The following SLC24A2 variants were observed in gnomAD, a reference collection of about 807,000 sequenced individuals.
SLC24A2 encodes solute carrier family 24 member 2.
SLC24A2 carries 36 observed loss-of-function variants against 62.0 expected under a neutral mutation model. That is an observed-to-expected ratio of 0.58 (90% CI 0.44 to 0.77). SLC24A2 has a LOEUF of 0.77. Ranked by LOEUF, SLC24A2 falls within the 30% of genes least tolerant of loss-of-function variation. The pLI is 0.00. For missense variants in SLC24A2, 846 were observed against 817.9 expected (o/e 1.03, Z -0.42); for synonymous variants, 358 against 294.0 (o/e 1.22, Z -2.23).
the SLC24A2 span, among the ~76,000 whole-genome samples, chr9:19,833,101 C>T: frequency 8.5e-5 from 13 of 152,128 alleles, no homozygotes; most frequent in African/African-American, 2.9e-4. Context: ...ATATTGGGAG[C>T]CAAGATGGCC....
the SLC24A2 span, among the ~76,000 whole-genome samples, chr9:20,038,628 C>CAAAAAAAAAAAAAA: frequency 3.1e-5 from 1 of 32,396 alleles, no homozygotes; most frequent in Non-Finnish European, 6.1e-5. Context: ...GTAAAAGAAA[C>CAAAAAAAAAAAAAA]AAACAAAAAA....
At chr9:20,063,093 A>G in the SLC24A2 span, among the ~76,000 whole-genome samples, 3 of 115,574 alleles carry the variant, frequency 2.6e-5, 1 homozygote, top group East Asian at 7.5e-4. Flanking sequence ...GCGATTCCTC[A>G]GGGATCTAGA....
chr9:19,949,614 T>G, the SLC24A2 span, among the ~76,000 whole-genome samples: 1 of 152,320 alleles, frequency 6.6e-6, no homozygotes, highest in East Asian at 1.9e-4. Flanking sequence ...CCAGCCTTCC[T>G]TGCAGCTAGG....
the SLC24A2 span, among the ~76,000 whole-genome samples, chr9:20,173,767 A>T: frequency 6.6e-6 from 1 of 152,100 alleles, no homozygotes; most frequent in African/African-American, 2.4e-5. Flanking sequence ...GAAAATAAAC[A>T]TACTGTCAAA....
the SLC24A2 span, among the ~76,000 whole-genome samples, chr9:19,827,177 G>GGTCATGTGA: frequency 2.6e-5 from 4 of 152,114 alleles, no homozygotes; most frequent in Admixed American, 6.6e-5. Context: ...GAGTCATGTG[G>GGTCATGTGA]GTCATGTGAG....
intron 5 of SLC24A2, among the ~76,000 whole-genome samples, chr9:19,592,475 G>GACCT (rs200135469): frequency 0.052 from 4,401 of 84,462 alleles, 127 homozygotes; most frequent in African/African-American, 0.11. Context: ...GATATCTACC[G>GACCT]ACCTACCTAC....
At chr9:20,176,473 T>TA in the SLC24A2 span, among the ~76,000 whole-genome samples, 1 of 152,018 alleles carries the variant, frequency 6.6e-6, no homozygotes, top group Non-Finnish European at 1.5e-5. Flanking sequence ...TGGAGAGTAA[T>TA]AAAAAACCTT....
At chr9:19,871,945 C>CT in the SLC24A2 span, among the ~76,000 whole-genome samples, 7 of 151,246 alleles carry the variant, frequency 4.6e-5, no homozygotes, top group East Asian at 1.4e-3. Flanking sequence ...ATTTTGAAGA[C>CT]TTTTTTTTTG....
At chr9:19,740,711 A>G (rs1009573822) in intron 2 of SLC24A2, among the ~76,000 whole-genome samples, 2 of 152,188 alleles carry the variant, frequency 1.3e-5, no homozygotes, top group East Asian at 3.9e-4. Flanking sequence ...ATATAACTCA[A>G]TGGGAAGCTG....
chr9:19,692,329 T>C (rs1820067742), intron 2 of SLC24A2, among the ~76,000 whole-genome samples: 1 of 152,174 alleles, frequency 6.6e-6, no homozygotes, highest in Admixed American at 6.5e-5. Flanking sequence ...CTACAGGTTT[T>C]TTTCCACTAG....
the SLC24A2 span, among the ~76,000 whole-genome samples, chr9:20,297,496 G>A: frequency 2.9e-4 from 44 of 152,208 alleles, no homozygotes; most frequent in African/African-American, 8.9e-4. Flanking sequence ...GGTTTGGCAC[G>A]TGGACTGTAA....
At chr9:20,240,477 T>C in the SLC24A2 span, among the ~76,000 whole-genome samples, 4 of 152,230 alleles carry the variant, frequency 2.6e-5, no homozygotes, top group Non-Finnish European at 5.9e-5. Context: ...CTGTGGGATT[T>C]GACTCAGGGT....
the SLC24A2 span, among the ~76,000 whole-genome samples, chr9:19,999,309 G>A: frequency 6.6e-6 from 1 of 152,206 alleles, no homozygotes; most frequent in Admixed American, 6.5e-5. Context: ...CACACTGAGT[G>A]TTCCCAGTTA....
intron 5 of SLC24A2, among the ~76,000 whole-genome samples, chr9:19,591,180 A>T (rs1048166227): frequency 6.6e-6 from 1 of 152,114 alleles, no homozygotes; most frequent in Non-Finnish European, 1.5e-5. Flanking sequence ...CCAAATTTAC[A>T]TCTACAGCTC....
chr9:20,077,435 T>TA, the SLC24A2 span, among the ~76,000 whole-genome samples: 8 of 152,066 alleles, frequency 5.3e-5, no homozygotes, highest in African/African-American at 1.2e-4. Flanking sequence ...ATTTCTTAAA[T>TA]AAAAAAAATG....
rs995224129 is a variant in SLC24A2 at position 19,523,827 on chromosome 9, T to A, written c.1570-2767A>T. Among the ~76,000 whole-genome samples the A allele has an allele frequency of 3.7e-4, 56 of 152,150 alleles. 1 individual carries two copies. Among genetic ancestry groups the A allele is most frequent in the African/African-American group, 1.3e-3 (52 of 41,426 alleles). The stretch of plus-strand genomic sequence containing the variant: ...CTCTCCAATTTATTAGACTGTCAGG[T>A]GTCTGGCAGCAGGAACAGAAGTGGG... On this transcript the variant is annotated intron_variant, in intron 9 of 10. Transcript: ENST00000341998.
chr9:19,912,589 C>T, the SLC24A2 span, among the ~76,000 whole-genome samples: 54 of 152,246 alleles, frequency 3.5e-4, no homozygotes, highest in Admixed American at 1.4e-3. Context: ...CACTTGGTCA[C>T]ACATTTCTTG....
chr9:19,543,689 C>T (rs1169017608), intron 8 of SLC24A2, among the ~76,000 whole-genome samples: 1 of 151,988 alleles, frequency 6.6e-6, no homozygotes, highest in Non-Finnish European at 1.5e-5. Flanking sequence ...CGTTTTTTAC[C>T]CAGTAGTCAT....
At chr9:20,124,721 G>T in the SLC24A2 span, among the ~76,000 whole-genome samples, 1 of 152,148 alleles carries the variant, frequency 6.6e-6, no homozygotes, top group Non-Finnish European at 1.5e-5. Flanking sequence ...AAAGTTTAAT[G>T]TGCCCCCAGT....
Sources: allele counts gnomAD v4.1 joint callset (sites outside exome capture counted in the v4.1 genomes callset), GRCh38; gene constraint gnomAD v4.1.1; transcripts MANE v1.5; gene names NCBI Gene and HGNC (gene_info 2026-07-23, HGNC 2026-07-21).